Variants in LRIG2 observed in about 807,000 individuals in gnomAD.
The protein encoded by LRIG2 is leucine rich repeats and immunoglobulin like domains 2.
A neutral mutation model predicts 107.8 loss-of-function variants in LRIG2; 93 were observed. The observed-to-expected ratio is 0.86, with a 90% CI of 0.73 to 1.03. The LOEUF (loss-of-function observed/expected upper bound fraction) is 1.03. LRIG2 is among the 50% of genes least tolerant of loss of function. The probability of loss-of-function intolerance (pLI) is 0.00; values close to 1 mark genes in which losing one functional copy is unlikely to be tolerated. For synonymous variants in LRIG2, 471 were observed against 470.6 expected, an observed-to-expected ratio of 1.00 and a Z score of -0.01; for missense variants, 1,226 against 1,296.0, an observed-to-expected ratio of 0.95 and a Z score of 0.83.
intron 13 of LRIG2, 132 bp from the exon 14 acceptor site, chr1:113,112,347 A>G (rs1654804549): frequency 1.3e-6 from 1 of 787,750 alleles, no homozygotes; most frequent in Non-Finnish European, 2.0e-6. Context: ...TCTCAATCAG[A>G]GAGCCTGTCT....
At chr1:113,085,662 A>T (rs1369166568) in intron 1 of LRIG2, among the ~76,000 whole-genome samples, 1 of 152,220 alleles carries the variant, frequency 6.6e-6, no homozygotes, top group Non-Finnish European at 1.5e-5. Flanking sequence ...AAATGCTTCC[A>T]GGAAGCATTT....
intron 1 of LRIG2, among the ~76,000 whole-genome samples, chr1:113,080,380 T>C (rs1292702356): frequency 6.6e-6 from 1 of 151,024 alleles, no homozygotes; most frequent in Admixed American, 6.6e-5. Context: ...TGGTCTTTTT[T>C]ATTTATTTAT....
chr1:113,110,577 T>C lies in LRIG2; in HGVS notation c.1798+15T>C, dbSNP rs763579246. 1 of 1,550,786 alleles carries C rather than the reference T, an allele frequency of 6.4e-7. No homozygotes were observed. On this transcript the variant is annotated intron_variant, in intron 13 of 17. Coordinates refer to ENST00000361127, the MANE Select transcript of LRIG2 (RefSeq NM_014813.3). ...GACTGTAAATGGTAAGGAATTATGC[T>C]CCTTGATTTTTTTTAGTTTAGAAGG...
intron 1 of LRIG2, among the ~76,000 whole-genome samples, chr1:113,080,077 G>C (rs1290322777): frequency 3.3e-4 from 47 of 140,382 alleles, no homozygotes; most frequent in African/African-American, 1.2e-3. Context: ...CTGGAGTGCA[G>C]TGGCACAATC....
intron 13 of LRIG2, among the ~76,000 whole-genome samples, chr1:113,110,764 G>A (rs1654742037): frequency 6.6e-6 from 1 of 152,136 alleles, no homozygotes; most frequent in Non-Finnish European, 1.5e-5. Context: ...ATTGGTCTTT[G>A]GTTGAAGGGT....
At chr1:113,086,699 A>G (rs1653569976) in intron 1 of LRIG2, among the ~76,000 whole-genome samples, 1 of 152,240 alleles carries the variant, frequency 6.6e-6, no homozygotes, top group Admixed American at 6.5e-5. Context: ...CTAAACGACT[A>G]CATTAATGGC....
intron 17 of LRIG2, among the ~76,000 whole-genome samples, chr1:113,123,607 T>A (rs889784015): frequency 2.6e-5 from 4 of 152,132 alleles, no homozygotes; most frequent in African/African-American, 9.7e-5. Flanking sequence ...AAAAATTTTG[T>A]AGCAACAGAA....
At position 113,126,983 on chromosome 1, in the gene LRIG2, C is replaced by G. The variant is rs1655506554; in HGVS notation, c.*2882C>G. On this transcript the variant is annotated 3_prime_UTR_variant, in exon 18 of 18. Transcript: ENST00000361127. ...TCTTGAAGAACAGCTGGAAAGTTGTCTGGCTGTTATGACACAGTATTGAAA... is the reference window on the plus strand; with the variant it reads ...TCTTGAAGAACAGCTGGAAAGTTGTGTGGCTGTTATGACACAGTATTGAAA... The G allele has an allele frequency of 6.5e-6, 1 of 152,930 alleles. No individual in the cohort carries two copies. The highest frequency in any genetic ancestry group is 1.5e-5 in the Non-Finnish European group (1 of 68,048). The allele number at this position is 152,930 out of a possible 1,614,324, so 9.5% of individuals were successfully genotyped here.
chr1:113,122,199 C>T (rs752899497), intron 17 of LRIG2, among the ~76,000 whole-genome samples: 1 of 151,046 alleles, frequency 6.6e-6, no homozygotes, highest in Non-Finnish European at 1.5e-5. Context: ...TCTCCTGCCT[C>T]AGCCTCCTGA....
In LRIG2 at chr1:113,124,511, A is replaced by G. The variant is rs929948436; in HGVS notation, c.*410A>G. On this transcript the variant is annotated 3_prime_UTR_variant, in exon 18 of 18. Transcript: ENST00000361127. ...ACTTTGCTTTCCAAGGAGCAAAAAT[A>G]ACTTTGGAGCCTTCTGGGAAGTGTG... 1.0e-5 allele frequency: 2 copies of G among 196,498 alleles called. No homozygotes were observed. The highest frequency in any genetic ancestry group is 4.7e-5 in the African/African-American group (2 of 42,500). 12.2% of individuals were successfully genotyped at this position (196,498 alleles called of 1,614,324 possible). A position where few individuals can be genotyped will look rare whatever the true frequency, so the allele number is the denominator to read the frequency against.
rs190958126 is a variant in LRIG2 at position 113,102,464 on chromosome 1, G to T, written c.1313+1976G>T. 3.6e-4 allele frequency among the ~76,000 whole-genome samples: 55 copies of T among 151,800 alleles called. No individual in the cohort carries two copies. In the East Asian group the frequency reaches 9.1e-3, roughly 25 times the overall value. On this transcript the variant is annotated intron_variant, in intron 11 of 17. Transcript: ENST00000361127. The stretch of plus-strand genomic sequence containing the variant: ...TTTTTGTATTTTTAGTTGAGATGAG[G>T]TTTCACTGTGTTAGCCAGGATGGTC...
At chr1:113,085,913 TGTTTA>T (rs1164916893) in intron 1 of LRIG2, among the ~76,000 whole-genome samples, 1 of 152,012 alleles carries the variant, frequency 6.6e-6, no homozygotes, top group Admixed American at 6.6e-5. Flanking sequence ...AGAATTCTTG[TGTTTA>T]GTTCAGTTTA....
chr1:113,073,656 C>T lies in LRIG2; in HGVS notation c.239+11C>T, dbSNP rs1315437947. The T allele has an allele frequency of 6.2e-7, 1 of 1,604,202 alleles. No individual in the cohort carries two copies. Among genetic ancestry groups the T allele is most frequent in the Middle Eastern group, 1.7e-4 (1 of 6,034 alleles). ...CGACACCGCTATCCTGTGAGTAGAG[C>T]GGCCAGGCAGAGTGACCAAAAGGAG... On this transcript the variant is annotated intron_variant, in intron 1 of 17. Transcript: ENST00000361127.
rs185996923 is a variant in LRIG2 at position 113,087,587 on chromosome 1, G to A, written c.240-3731G>A. On this transcript the variant is annotated intron_variant, in intron 1 of 17. Coordinates refer to ENST00000361127, the MANE Select transcript of LRIG2 (RefSeq NM_014813.3). ...TTGTCTCGAACTCCTGACCTCAGGCGATCCACCCACCTCGGCCTCCCAAAG... is the reference window on the plus strand; with the variant it reads ...TTGTCTCGAACTCCTGACCTCAGGCAATCCACCCACCTCGGCCTCCCAAAG... 1.7e-3 allele frequency among the ~76,000 whole-genome samples: 255 copies of A among 152,260 alleles called. 3 individuals carry two copies. Among genetic ancestry groups the A allele is most frequent in the African/African-American group, 5.4e-3 (225 of 41,540 alleles).
chr1:113,089,807 C>T (rs1387172150), intron 1 of LRIG2, among the ~76,000 whole-genome samples: 3 of 150,984 alleles, frequency 2.0e-5, no homozygotes, highest in African/African-American at 7.3e-5. Flanking sequence ...ATTCTCCTGC[C>T]TCAGCCTCCC....
chr1:113,108,698 G>A (rs945838351), intron 12 of LRIG2, among the ~76,000 whole-genome samples: 2 of 151,264 alleles, frequency 1.3e-5, no homozygotes, highest in African/African-American at 4.9e-5. Context: ...CCAGCATGGC[G>A]AAACCCTGAC....
chr1:113,098,961 C>T (rs932907946), intron 9 of LRIG2, among the ~76,000 whole-genome samples, 176 bp downstream of exon 9: 1 of 152,124 alleles, frequency 6.6e-6, no homozygotes, highest in African/African-American at 2.4e-5. Context: ...GACTGAGTCT[C>T]ACTCTGTATC....
chr1:113,089,189 A>T (rs898944098), intron 1 of LRIG2, among the ~76,000 whole-genome samples: 1 of 152,220 alleles, frequency 6.6e-6, no homozygotes, highest in Non-Finnish European at 1.5e-5. Context: ...GCATAGTGAG[A>T]TAAAGTGATC....
At chr1:113,105,447 G>A (rs748393628) in intron 11 of LRIG2, among the ~76,000 whole-genome samples, 37 of 152,040 alleles carry the variant, frequency 2.4e-4, no homozygotes, top group Non-Finnish European at 4.9e-4. Context: ...TAACTTTAAT[G>A]GAAAGTATTT....
Sources: allele counts gnomAD v4.1 joint callset (sites outside exome capture counted in the v4.1 genomes callset), GRCh38; gene constraint gnomAD v4.1.1; transcripts MANE v1.5; gene names NCBI Gene and HGNC (gene_info 2026-07-23, HGNC 2026-07-21).